Variants in FAM13A observed in about 807,000 individuals in gnomAD.
FAM13A encodes protein FAM13A.
In FAM13A, 76 loss-of-function variants were observed where a neutral mutation model predicts 129.6. The observed-to-expected ratio is 0.59, with a 90% confidence interval of 0.49 to 0.71. FAM13A has a LOEUF of 0.71. FAM13A is among the 30% of genes least tolerant of loss of function. FAM13A has a pLI of 0.00. For missense variants in FAM13A, 1,108 were observed against 1,249.3 expected (o/e 0.89, Z 1.70); for synonymous variants, 443 against 449.9 (o/e 0.98, Z 0.20).
chr4:88,757,574 G>A (rs1056446600), intron 14 of FAM13A, among the ~76,000 whole-genome samples: 1 of 152,104 alleles, frequency 6.6e-6, no homozygotes, highest in African/African-American at 2.4e-5. Flanking sequence ...AAACAACCCT[G>A]CGTTTTGCTG....
chr4:88,942,865 C>T (rs2148832549), intron 4 of FAM13A, among the ~76,000 whole-genome samples: 1 of 152,230 alleles, frequency 6.6e-6, no homozygotes, highest in East Asian at 1.9e-4. Flanking sequence ...ATTTGGTTTC[C>T]TGTTTTAAAA....
At chr4:88,763,561 C>G (rs1344131158) in intron 13 of FAM13A, among the ~76,000 whole-genome samples, 1 of 152,190 alleles carries the variant, frequency 6.6e-6, no homozygotes, top group Non-Finnish European at 1.5e-5. Flanking sequence ...TAATCTTTGC[C>G]AAGACTTGTC....
rs746956729 is a variant in FAM13A, at chr4:89,020,609, C to T, written c.278G>A (p.Arg93Gln). 12 of 1,613,988 alleles carry T rather than the reference C, an allele frequency of 7.4e-6. No individual in the cohort carries two copies. Among genetic ancestry groups the T allele is most frequent in the Admixed American group, 3.3e-5 (2 of 59,994 alleles). ...NGNVKVVEQL[R>Q]LKFESGVPVE... is the part of the protein sequence containing the mutation. ...GGGCACTCCACTCTCGAACTTCAGT[C>T]GAAGTTGTTCCACCACCTTCACGTT... The change falls in exon 3 of 24, where the codon CGA becomes CAA. Residue 93 changes from arginine to glutamine, a missense_variant. Arg to Gln is a conservative substitution (Grantham distance 43, BLOSUM62 1). Coordinates refer to ENST00000264344, the MANE Select transcript of FAM13A (RefSeq NM_014883.4).
chr4:88,932,478 T>C (rs1446601423), intron 5 of FAM13A, among the ~76,000 whole-genome samples: 1 of 152,218 alleles, frequency 6.6e-6, no homozygotes, highest in Admixed American at 6.5e-5. Flanking sequence ...CTTATTTATT[T>C]TCTGAAGCTC....
rs535055143 is a variant in FAM13A, at chr4:88,806,295, T to A, written c.1008-1243A>T. 5.9e-5 allele frequency among the ~76,000 whole-genome samples: 9 copies of A among 152,314 alleles called. No individual in the cohort carries two copies. The East Asian group carries it at 1.7e-3, about 29-fold the overall frequency. ...GTACCCCTAGGATTCCTCTTGGATA[T>A]CACCTGGGGTGTACACCACCTTACC... On this transcript the variant is annotated intron_variant, in intron 7 of 23. Coordinates refer to ENST00000264344, the MANE Select transcript of FAM13A (RefSeq NM_014883.4).
At chr4:88,791,031 C>G (rs1725033401) in intron 8 of FAM13A, among the ~76,000 whole-genome samples, 2 of 152,084 alleles carry the variant, frequency 1.3e-5, no homozygotes, top group African/African-American at 2.4e-5. Context: ...CATTCCCTTC[C>G]TTCTCCTCTT....
At chr4:88,830,984 C>T (rs1337003848) in intron 7 of FAM13A, among the ~76,000 whole-genome samples, 1 of 143,478 alleles carries the variant, frequency 7.0e-6, no homozygotes, top group African/African-American at 2.5e-5. Flanking sequence ...CATGTGGATG[C>T]TTTTTTTTTT....
At position 88,747,711 on chromosome 4, in the gene FAM13A, T is replaced by G; in HGVS notation, c.2302A>C (p.Ser768Arg). 1 of 1,614,192 alleles carries G rather than the reference T, an allele frequency of 6.2e-7. No homozygotes were observed. The highest frequency in any genetic ancestry group is 8.5e-7 in the Non-Finnish European group (1 of 1,180,022). ...QELVDKAIKP[S>R]VEATLESIQR... ...ATAGATTCCAATGTGGCTTCAACAC[T>G]GGGCTTTATTGCTTTATCCACCAGC... The change falls in exon 18 of 24, where the codon AGT becomes CGT. Residue 768 changes from serine (S) to arginine (R), a missense_variant. By Grantham distance (110) the Ser-to-Arg change is moderately radical (BLOSUM62 -1). Coordinates refer to ENST00000264344, the MANE Select transcript of FAM13A (RefSeq NM_014883.4).
intron 4 of FAM13A, among the ~76,000 whole-genome samples, chr4:88,986,673 C>G (rs1762283248): frequency 6.6e-6 from 1 of 152,122 alleles, no homozygotes; most frequent in Non-Finnish European, 1.5e-5. Context: ...TGTTGTGACA[C>G]TTTATTTATA....
chr4:89,020,565 C>A lies in FAM13A; in HGVS notation c.322G>T (p.Gly108Cys). Residue 108 changes from glycine (G) to cysteine (C), a missense_variant, in exon 3 of 24, where the codon GGT becomes TGT. Gly to Cys is a radical substitution (Grantham distance 159). Around this residue, in one of 3 missense-constraint regions of FAM13A, gnomAD observed 566 missense variants for 595.7 expected, o/e 0.95. Coordinates refer to ENST00000264344, the MANE Select transcript of FAM13A (RefSeq NM_014883.4). ...AGACTGGCTGCTGAGCAGACATCACCGTCCTTCCCGAGCTCCACGGGCACT... is the reference window on the plus strand; with the variant it reads ...AGACTGGCTGCTGAGCAGACATCACAGTCCTTCCCGAGCTCCACGGGCACT... The part of the protein sequence containing the change: ...SGVPVELGKD[G>C]DVCSAASLLK... 6.2e-7 allele frequency: 1 copy of A among 1,614,066 alleles called. No individual in the cohort carries two copies. The highest frequency in any genetic ancestry group is 1.1e-5 in the South Asian group (1 of 91,064).
At chr4:88,736,860 C>T (rs975197929) in intron 21 of FAM13A, among the ~76,000 whole-genome samples, 7 of 152,066 alleles carry the variant, frequency 4.6e-5, no homozygotes, top group Admixed American at 2.6e-4. Flanking sequence ...GCACCTCATT[C>T]GTAGATTAAG....
intron 5 of FAM13A, among the ~76,000 whole-genome samples, chr4:88,932,943 A>T (rs1454888603): frequency 2.6e-5 from 4 of 152,194 alleles, no homozygotes; most frequent in African/African-American, 9.6e-5. Context: ...TTTAAACCCA[A>T]AAGTTAACAT....
Position 89,044,860 on chromosome 4 carries a change from C to T in FAM13A, c.27+12078G>A, listed in dbSNP as rs1770633106. Among the ~76,000 whole-genome samples, 4 of 151,658 alleles carry T rather than the reference C, an allele frequency of 2.6e-5. No individual in the cohort carries two copies. In the South Asian group the frequency reaches 8.3e-4, roughly 32 times the overall value. On this transcript the variant is annotated intron_variant, in intron 1 of 23. Transcript: ENST00000264344. Reference sequence around the variant, plus strand: ...TGTCTAGTTCCACTAATACGAGATACCTAGGCTAGGCAAATGTATAGAGAC... The same window carrying T: ...TGTCTAGTTCCACTAATACGAGATATCTAGGCTAGGCAAATGTATAGAGAC...
chr4:88,954,330 T>C (rs76199226), intron 4 of FAM13A, among the ~76,000 whole-genome samples: 38 of 152,234 alleles, frequency 2.5e-4, no homozygotes, highest in Non-Finnish European at 4.1e-4. Context: ...AGAATGCTAC[T>C]GTCCAAAAAG....
intron 8 of FAM13A, among the ~76,000 whole-genome samples, chr4:88,793,640 G>A (rs13117705): frequency 0.14 from 20,919 of 151,802 alleles, 1,944 homozygotes; most frequent in East Asian, 0.32. Context: ...GCTGCATTGG[G>A]TTGGTTTCTT....
rs1406130808 is a variant in FAM13A, at chr4:88,972,013, A to G, written c.605+18960T>C. On this transcript the variant is annotated intron_variant, in intron 4 of 23. Transcript: ENST00000264344. ...GCTGCTTGTATCATTTGTGTCATTCATGTCATTTATACGTGAGCATACATA... is the reference window on the plus strand; with the variant it reads ...GCTGCTTGTATCATTTGTGTCATTCGTGTCATTTATACGTGAGCATACATA... 2.6e-5 allele frequency among the ~76,000 whole-genome samples: 4 copies of G among 152,164 alleles called. No individual in the cohort carries two copies. The East Asian group carries it at 7.7e-4, about 29-fold the overall frequency.
At chr4:88,951,191 A>C (rs375631493) in intron 4 of FAM13A, among the ~76,000 whole-genome samples, 29 of 152,290 alleles carry the variant, frequency 1.9e-4, no homozygotes, top group African/African-American at 6.5e-4. Flanking sequence ...CCTAGATGAT[A>C]TATCAGATCC....
intron 6 of FAM13A, among the ~76,000 whole-genome samples, chr4:88,871,613 A>T (rs974839688): frequency 3.9e-5 from 6 of 152,236 alleles, no homozygotes; most frequent in Admixed American, 3.9e-4. Flanking sequence ...GTAAAAAGAA[A>T]CAAACAAAGC....
intron 18 of FAM13A, 44 bp from the exon 19 acceptor site, chr4:88,747,059 G>C (rs2278877): frequency 1.5e-6 from 2 of 1,304,788 alleles, no homozygotes; most frequent in Non-Finnish European, 1.1e-6. Context: ...AGGAAAATGT[G>C]TGTGAACATT....
Sources: gnomAD v4.1 joint callset for allele counts (sites outside exome capture counted in the v4.1 genomes callset) on GRCh38, gnomAD v4.1.1 for gene constraint, gnomAD v4.1.1 regional missense constraint, MANE v1.5 for transcripts, NCBI Gene and HGNC (gene_info 2026-07-23, HGNC 2026-07-21) for gene names.